The following CLEC16A variants were observed in gnomAD, a reference collection of about 807,000 sequenced individuals.
CLEC16A encodes protein CLEC16A.
CLEC16A carries 51 observed loss-of-function variants against 109.5 expected under a neutral mutation model. The observed-to-expected ratio is 0.47, with a 90% CI of 0.37 to 0.59. The LOEUF (loss-of-function observed/expected upper bound fraction) is 0.59. Among genes scored for constraint, CLEC16A ranks in the 20% least tolerant of loss-of-function variants. The pLI is 0.00. For missense variants in CLEC16A, 1,339 were observed against 1,394.0 expected (o/e 0.96, Z 0.63); for synonymous variants, 673 against 564.2 (o/e 1.19, Z -2.73).
intron 19 of CLEC16A, among the ~76,000 whole-genome samples, chr16:11,074,611 A>G: frequency 6.6e-6 from 1 of 151,954 alleles, no homozygotes; most frequent in East Asian, 1.9e-4. Context: ...TATTCCTGTA[A>G]TCTTTCCCTG....
chr16:11,167,872 T>G (rs1326798526), intron 23 of CLEC16A, among the ~76,000 whole-genome samples: 1 of 152,188 alleles, frequency 6.6e-6, no homozygotes, highest in Non-Finnish European at 1.5e-5. Context: ...CAGCAGAGCT[T>G]CTTTCAGAAA....
chr16:11,054,425 A>G (rs774590466), intron 18 of CLEC16A, among the ~76,000 whole-genome samples: 5 of 152,178 alleles, frequency 3.3e-5, no homozygotes, highest in Non-Finnish European at 7.4e-5. Context: ...CATGTCACAG[A>G]GTTGCAGGTT....
At chr16:11,077,762 C>T (rs901914206) in intron 19 of CLEC16A, among the ~76,000 whole-genome samples, 5 of 152,132 alleles carry the variant, frequency 3.3e-5, no homozygotes, top group Admixed American at 2.0e-4. Context: ...GTGCTGCAGG[C>T]GGCCTGGACA....
At chr16:11,005,988 TA>T (rs1597008700) in intron 11 of CLEC16A, among the ~76,000 whole-genome samples, 1 of 151,726 alleles carries the variant, frequency 6.6e-6, no homozygotes. Flanking sequence ...TAAGTGAAGA[TA>T]CGTTGATATT....
At chr16:11,156,771 G>C in intron 22 of CLEC16A, 2 of 824,210 alleles carry the variant, frequency 2.4e-6, no homozygotes, top group Non-Finnish European at 3.6e-6. Flanking sequence ...TTCAGTTCTA[G>C]AAATCCAAAG....
chr16:11,156,723 G>A, intron 22 of CLEC16A: 21 of 1,241,868 alleles, frequency 1.7e-5, no homozygotes, highest in Non-Finnish European at 2.3e-5. Context: ...GCGAGGCAGG[G>A]ACTGGGTCCT....
Position 10,944,750 on chromosome 16 carries a change from G to A in CLEC16A, c.33G>A (p.Gly11=), listed in dbSNP as rs1269254261. The A allele has an allele frequency of 6.8e-6, 11 of 1,609,790 alleles. No homozygotes were observed. Among genetic ancestry groups the A allele is most frequent in the Non-Finnish European group, 9.3e-6 (11 of 1,178,888 alleles). The change falls in exon 1 of 24, where the codon GGG becomes GGA. Residue 11 remains glycine, a synonymous_variant. Coordinates refer to ENST00000409790, the MANE Select transcript of CLEC16A (RefSeq NM_015226.3). The part of the protein sequence containing the change: MFGRSRSWVG[G]GHGKTSRNIH... The stretch of plus-strand genomic sequence containing the variant: ...GCCGCTCGCGGAGCTGGGTGGGCGG[G>A]GGCCATGGCAAGACTTCCCGCAACA...
chr16:11,102,977 C>CG (rs745511404), intron 19 of CLEC16A, among the ~76,000 whole-genome samples: 26 of 152,350 alleles, frequency 1.7e-4, no homozygotes, highest in Non-Finnish European at 3.4e-4. Context: ...AAGCAGCAGG[C>CG]GGCCTGGTCC....
At chr16:11,138,759 C>T (rs2053686799) in intron 22 of CLEC16A, among the ~76,000 whole-genome samples, 2 of 152,110 alleles carry the variant, frequency 1.3e-5, no homozygotes, top group African/African-American at 2.4e-5. Flanking sequence ...CATTTTAGTT[C>T]GCAGGCGCAC....
chr16:11,010,425 T>G (rs544239106), intron 11 of CLEC16A, among the ~76,000 whole-genome samples: 1 of 152,202 alleles, frequency 6.6e-6, no homozygotes, highest in African/African-American at 2.4e-5. Flanking sequence ...ACTTTTTATT[T>G]GAAAATAATT....
chr16:11,125,913 C>A (rs1183487823), intron 21 of CLEC16A, 66 bp from the exon 22 acceptor site: 9 of 236,302 alleles, frequency 3.8e-5, no homozygotes, highest in Admixed American at 3.4e-4. Flanking sequence ...GTCCCCCCCC[C>A]CAAATTCTCA....
intron 18 of CLEC16A, 150 bp downstream of exon 18, chr16:11,051,791 C>A: frequency 9.9e-7 from 1 of 1,010,614 alleles, no homozygotes; most frequent in African/African-American, 1.6e-5. Context: ...TGCCCCCAGG[C>A]ATGACTTTCC....
chr16:11,004,381 T>A (rs2044863010), intron 11 of CLEC16A, among the ~76,000 whole-genome samples: 1 of 152,082 alleles, frequency 6.6e-6, no homozygotes, highest in South Asian at 2.1e-4. Flanking sequence ...CTGGGGCTCT[T>A]CTCAGGAAGG....
At chr16:10,982,249 A>C (rs926448137) in intron 9 of CLEC16A, among the ~76,000 whole-genome samples, 3 of 152,182 alleles carry the variant, frequency 2.0e-5, no homozygotes, top group African/African-American at 4.8e-5. Flanking sequence ...AGCTTAGCCC[A>C]GAGGCAGCCC....
intron 11 of CLEC16A, among the ~76,000 whole-genome samples, chr16:11,013,019 C>T (rs1001658710): frequency 1.3e-5 from 2 of 152,132 alleles, no homozygotes; most frequent in African/African-American, 4.8e-5. Flanking sequence ...CTCACACGCC[C>T]CCACACTCAC....
At chr16:11,087,441 G>A (rs2050071403) in intron 19 of CLEC16A, among the ~76,000 whole-genome samples, 1 of 152,242 alleles carries the variant, frequency 6.6e-6, no homozygotes, top group Non-Finnish European at 1.5e-5. Context: ...ATGCAGTATT[G>A]TAATTTTAAA....
At chr16:11,007,905 T>A (rs916585836) in intron 11 of CLEC16A, among the ~76,000 whole-genome samples, 11 of 152,138 alleles carry the variant, frequency 7.2e-5, no homozygotes, top group African/African-American at 2.7e-4. Context: ...TGTCAGGTTT[T>A]CAGATGGGCT....
At chr16:11,085,461 C>CT (rs2049960331) in intron 19 of CLEC16A, among the ~76,000 whole-genome samples, 1 of 152,276 alleles carries the variant, frequency 6.6e-6, no homozygotes, top group African/African-American at 2.4e-5. Context: ...GAGGCCTTGG[C>CT]TGTCCTCTTC....
chr16:11,132,400 T>C (rs1014575159), intron 22 of CLEC16A, among the ~76,000 whole-genome samples: 11 of 152,128 alleles, frequency 7.2e-5, no homozygotes, highest in Admixed American at 2.0e-4. Flanking sequence ...TCTATCCTTC[T>C]TTTAGCTGAA....
Sources: gnomAD v4.1 joint callset for allele counts (sites outside exome capture counted in the v4.1 genomes callset) on GRCh38, gnomAD v4.1.1 for gene constraint, MANE v1.5 for transcripts, NCBI Gene and HGNC (gene_info 2026-07-23, HGNC 2026-07-21) for gene names.